LRRIQ3: variants seen among roughly 807,000 people sequenced by gnomAD.
The protein encoded by LRRIQ3 is leucine-rich repeat and IQ domain-containing protein 3.
LRRIQ3 carries 75 observed loss-of-function variants against 59.3 expected under a neutral mutation model. The ratio of observed to expected loss-of-function variants is 1.26; its 90% CI spans 1.05 to 1.53. The LOEUF is 1.53. LRRIQ3 is among the 40% of genes most tolerant of loss of function. The pLI, the probability that LRRIQ3 is intolerant of heterozygous loss-of-function variation, is 0.00. For synonymous variants in LRRIQ3, 250 were observed against 231.3 expected, an observed-to-expected ratio of 1.08 and a Z score of -0.73; for missense variants, 831 against 710.0, an observed-to-expected ratio of 1.17 and a Z score of -1.94.
At chr1:74,193,566 T>A (rs575328177) in intron 1 of LRRIQ3, among the ~76,000 whole-genome samples, 157 of 152,298 alleles carry the variant, frequency 1.0e-3, no homozygotes, top group African/African-American at 3.7e-3. Flanking sequence ...TTATTTTGTA[T>A]ATTTATTTCT....
At chr1:74,119,138 T>A (rs993772862) in intron 4 of LRRIQ3, among the ~76,000 whole-genome samples, 3 of 119,714 alleles carry the variant, frequency 2.5e-5, no homozygotes, top group Admixed American at 2.5e-4. Context: ...GTAAAAATTG[T>A]CATTTTATTT....
intron 6 of LRRIQ3, among the ~76,000 whole-genome samples, chr1:74,065,169 C>T (rs1654833019): frequency 6.6e-6 from 1 of 152,088 alleles, no homozygotes; most frequent in South Asian, 2.1e-4. Context: ...TCTAGTACAA[C>T]CAAACCAATT....
intron 5 of LRRIQ3, among the ~76,000 whole-genome samples, chr1:74,098,613 AC>A (rs1389778239): frequency 6.6e-6 from 1 of 152,182 alleles, no homozygotes; most frequent in East Asian, 1.9e-4. Flanking sequence ...TCTTCTCAGT[AC>A]CACATCTCAC....
intron 2 of LRRIQ3, 65 bp from the exon 3 acceptor site, chr1:74,182,926 T>TA: frequency 1.2e-6 from 1 of 856,344 alleles, no homozygotes; most frequent in Non-Finnish European, 1.7e-6. Flanking sequence ...CAGAAAATGG[T>TA]AAAATATTAC....
chr1:74,188,540 C>T (rs1650556138), intron 1 of LRRIQ3, among the ~76,000 whole-genome samples: 1 of 152,128 alleles, frequency 6.6e-6, no homozygotes, highest in African/African-American at 2.4e-5. Context: ...AAATTATTGT[C>T]TAGTCATTAT....
At chr1:74,139,283 G>A (rs1306163611) in intron 4 of LRRIQ3, among the ~76,000 whole-genome samples, 2 of 150,860 alleles carry the variant, frequency 1.3e-5, no homozygotes, top group Non-Finnish European at 3.0e-5. Flanking sequence ...GAGAAAGGAA[G>A]GAAGGAAGGA....
chr1:74,178,385 AT>A (rs1649775144), intron 3 of LRRIQ3, among the ~76,000 whole-genome samples: 1 of 151,452 alleles, frequency 6.6e-6, no homozygotes, highest in Non-Finnish European at 1.5e-5. Context: ...TATCTTTTGT[AT>A]TTTTTGAAAG....
intron 4 of LRRIQ3, among the ~76,000 whole-genome samples, chr1:74,114,548 A>C (rs1012131338): frequency 3.3e-5 from 5 of 152,022 alleles, no homozygotes; most frequent in African/African-American, 1.2e-4. Flanking sequence ...CATCCTGGCT[A>C]ACACAGTGAA....
rs367556925 is a variant in LRRIQ3 at position 74,089,656 on chromosome 1, G to T, written c.868-14866C>A. Among the ~76,000 whole-genome samples the T allele has an allele frequency of 1.2e-4, 18 of 152,116 alleles. No homozygotes were observed. The South Asian group carries it at 3.3e-3, about 28-fold the overall frequency. On this transcript the variant is annotated intron_variant, in intron 5 of 7. Transcript: ENST00000354431. ...AAGAATAGACAAATTAATGGAGAGA[G>T]AAAATAGATTAATGTTCCCAGGGGC...
intron 6 of LRRIQ3, among the ~76,000 whole-genome samples, chr1:74,049,054 A>G (rs1207608524): frequency 6.6e-6 from 1 of 152,146 alleles, no homozygotes; most frequent in Non-Finnish European, 1.5e-5. Context: ...TTAACCCTAG[A>G]TGAGAAAAGA....
chr1:74,084,088 CCAAT>C, intron 5 of LRRIQ3: 2 of 1,317,588 alleles, frequency 1.5e-6, no homozygotes, highest in Non-Finnish European at 1.0e-6. Flanking sequence ...TCCCTAGTGT[CCAAT>C]CAGAGACAAG....
At chr1:74,160,434 T>C (rs1487702249) in intron 3 of LRRIQ3, among the ~76,000 whole-genome samples, 1 of 152,108 alleles carries the variant, frequency 6.6e-6, no homozygotes. Flanking sequence ...ACTTCAAAGA[T>C]TTTTAAAGAA....
At chr1:74,102,369 A>C (rs983312974) in intron 5 of LRRIQ3, among the ~76,000 whole-genome samples, 2 of 151,974 alleles carry the variant, frequency 1.3e-5, no homozygotes, top group Non-Finnish European at 2.9e-5. Context: ...AAGTATATAA[A>C]AATGCCCAAT....
intron 4 of LRRIQ3, among the ~76,000 whole-genome samples, chr1:74,128,844 T>C (rs1646972291): frequency 6.6e-6 from 1 of 152,126 alleles, no homozygotes; most frequent in Admixed American, 6.6e-5. Context: ...CCAGTAATGC[T>C]GTGGCTCTTA....
At chr1:74,151,011 CTTTTTTTTTT>C (rs59890149) in intron 4 of LRRIQ3, among the ~76,000 whole-genome samples, 5 of 63,392 alleles carry the variant, frequency 7.9e-5, no homozygotes, top group Non-Finnish European at 1.5e-4. Context: ...ATGATGCTTT[CTTTTTTTTTT>C]TTTTTTTTTT....
At chr1:74,148,687 T>A (rs1647731965) in intron 4 of LRRIQ3, among the ~76,000 whole-genome samples, 3 of 152,346 alleles carry the variant, frequency 2.0e-5, no homozygotes, top group Admixed American at 2.0e-4. Context: ...TAGATCCATC[T>A]AGATAATCTC....
chr1:74,109,547 C>T lies in LRRIQ3; in HGVS notation c.714G>A (p.Val238=). ...GFLVRKNLSP[V]FFHKKKQQEK... is the part of the protein sequence containing the mutation. ...CCTGCTGTTTTTTTTTGTGGAAAAA[C>T]ACAGGGCTGAATATAAGGGGAGGGG... Residue 238 remains valine, a synonymous_variant, in exon 5 of 8, where the codon GTG becomes GTA. Transcript: ENST00000354431. The T allele has an allele frequency of 6.4e-7, 1 of 1,553,688 alleles. No individual in the cohort carries two copies. Among genetic ancestry groups the T allele is most frequent in the Non-Finnish European group, 8.6e-7 (1 of 1,157,690 alleles).
intron 3 of LRRIQ3, among the ~76,000 whole-genome samples, chr1:74,178,715 T>A (rs1649793447): frequency 6.6e-6 from 1 of 152,186 alleles, no homozygotes; most frequent in Admixed American, 6.6e-5. Context: ...TTAAAAATAC[T>A]CATCAAACCA....
chr1:74,115,864 G>C (rs1016818509), intron 4 of LRRIQ3, among the ~76,000 whole-genome samples: 4 of 151,832 alleles, frequency 2.6e-5, no homozygotes, highest in African/African-American at 9.7e-5. Flanking sequence ...TCAAATGTTG[G>C]AACAGGTGTT....
Sources: gnomAD v4.1 joint callset for allele counts (sites outside exome capture counted in the v4.1 genomes callset) on GRCh38, gnomAD v4.1.1 for gene constraint, MANE v1.5 for transcripts, NCBI Gene and HGNC (gene_info 2026-07-23, HGNC 2026-07-21) for gene names.